TENM2: variants seen among roughly 807,000 people sequenced by gnomAD.
TENM2 encodes the protein teneurin transmembrane protein 2, also known as teneurin-2.
Under a neutral mutation model 245.2 loss-of-function variants are expected in TENM2, and 52 were observed. That is an observed-to-expected ratio of 0.21 (90% CI 0.17 to 0.27). The LOEUF (loss-of-function observed/expected upper bound fraction) is 0.27. Ranked by LOEUF, TENM2 falls within the 10% of genes least tolerant of loss-of-function variation. TENM2 has a pLI of 1.00. For synonymous variants in TENM2, 1,363 were observed against 1,438.9 expected (o/e 0.95, Z 1.19); for missense variants, 3,046 against 3,666.8 (o/e 0.83, Z 4.37).
chr5:167,136,448 A>G, the TENM2 span, among the ~76,000 whole-genome samples: 1 of 152,204 alleles, frequency 6.6e-6, no homozygotes, highest in Non-Finnish European at 1.5e-5. Flanking sequence ...AGTGGAAGAA[A>G]TAACAGGGGA....
Position 168,051,252 on chromosome 5 carries a change from C to T in TENM2, c.1309+3703C>T, listed in dbSNP as rs530634330. Among the ~76,000 whole-genome samples the T allele has an allele frequency of 1.2e-3, 189 of 152,240 alleles. 1 individual carries two copies. Among genetic ancestry groups the T allele is most frequent in the Non-Finnish European group, 8.8e-5 (6 of 68,014 alleles). On this transcript the variant is annotated intron_variant, in intron 6 of 28. Coordinates refer to ENST00000518659, the Ensembl canonical transcript of TENM2. ...ATCACTCATTTTAGATTCAAGTTGT[C>T]CTCTATATCAGGGGTCAGCAAACTA...
At chr5:167,896,782 T>C (rs1171799565) in intron 3 of TENM2, among the ~76,000 whole-genome samples, 1 of 152,156 alleles carries the variant, frequency 6.6e-6, no homozygotes, top group African/African-American at 2.4e-5. Flanking sequence ...TATGGATATT[T>C]TTACAGATGG....
At chr5:167,743,251 C>T (rs17069080) in intron 2 of TENM2, among the ~76,000 whole-genome samples, 4,771 of 152,142 alleles carry the variant, frequency 0.031, 240 homozygotes, top group East Asian at 0.18. Context: ...AATGTCTCCC[C>T]GCATGAAACC....
At chr5:168,144,844 G>C (rs1177267841) in intron 12 of TENM2, among the ~76,000 whole-genome samples, 4 of 151,132 alleles carry the variant, frequency 2.6e-5, no homozygotes, top group African/African-American at 9.7e-5. Flanking sequence ...AGCACCTGTT[G>C]TTTCCTGACT....
chr5:167,819,530 C>A (rs1767334265), intron 2 of TENM2, among the ~76,000 whole-genome samples: 1 of 152,164 alleles, frequency 6.6e-6, no homozygotes, highest in South Asian at 2.1e-4. Context: ...GTGCCTGGGG[C>A]TTTCACAAAG....
chr5:167,435,827 T>C (rs754337346), intron 2 of TENM2, among the ~76,000 whole-genome samples: 1 of 152,154 alleles, frequency 6.6e-6, no homozygotes, highest in Non-Finnish European at 1.5e-5. Context: ...GAGGAACTTG[T>C]TGGGAAGTGG....
At chr5:167,331,637 A>G (rs1269005877) in intron 1 of TENM2, among the ~76,000 whole-genome samples, 10 of 152,232 alleles carry the variant, frequency 6.6e-5, no homozygotes, top group African/African-American at 2.2e-4. Flanking sequence ...TTTGCAAGAT[A>G]TATTTTGAAA....
intron 9 of TENM2, among the ~76,000 whole-genome samples, chr5:168,108,740 A>G (rs1490615213): frequency 6.6e-6 from 1 of 151,912 alleles, no homozygotes; most frequent in Non-Finnish European, 1.5e-5. Flanking sequence ...CAGTGTGACC[A>G]CTCCTGAAGT....
intron 4 of TENM2, among the ~76,000 whole-genome samples, chr5:167,956,175 G>A (rs529214674): frequency 6.6e-6 from 1 of 152,234 alleles, no homozygotes; most frequent in East Asian, 1.9e-4. Flanking sequence ...TCCTTGAAGA[G>A]GTCCTTCACA....
At chr5:168,029,933 G>A (rs139467144) in intron 5 of TENM2, among the ~76,000 whole-genome samples, 34 of 152,254 alleles carry the variant, frequency 2.2e-4, no homozygotes, top group African/African-American at 7.5e-4. Context: ...GGAAAGCAGA[G>A]TTCTGACAGA....
intron 1 of TENM2, among the ~76,000 whole-genome samples, chr5:167,322,341 C>T (rs1266809183): frequency 6.6e-6 from 1 of 151,918 alleles, no homozygotes; most frequent in Non-Finnish European, 1.5e-5. Flanking sequence ...TGTATTCTGG[C>T]CCTGTTAGCC....
At chr5:167,196,096 C>T in the TENM2 span, among the ~76,000 whole-genome samples, 1 of 152,038 alleles carries the variant, frequency 6.6e-6, no homozygotes, top group East Asian at 1.9e-4. Flanking sequence ...ATGGTGCAGC[C>T]CACTACACAC....
At chr5:167,127,370 G>A in the TENM2 span, among the ~76,000 whole-genome samples, 1,797 of 152,130 alleles carry the variant, frequency 0.012, 16 homozygotes, top group Middle Eastern at 0.044. Flanking sequence ...TCTTTAATAT[G>A]CAGGTTATTA....
chr5:167,264,215 G>A, the TENM2 span, among the ~76,000 whole-genome samples: 1 of 151,902 alleles, frequency 6.6e-6, no homozygotes, highest in African/African-American at 2.4e-5. Context: ...TTAAGACACG[G>A]TTTTTCTATT....
intron 25 of TENM2, among the ~76,000 whole-genome samples, chr5:168,232,623 G>C (rs1010691057): frequency 2.6e-5 from 4 of 152,282 alleles, no homozygotes; most frequent in African/African-American, 9.6e-5. Context: ...GGTCAGCTGA[G>C]GGGTGTGAGG....
At chr5:167,230,994 T>G in the TENM2 span, among the ~76,000 whole-genome samples, 1 of 152,170 alleles carries the variant, frequency 6.6e-6, no homozygotes, top group Non-Finnish European at 1.5e-5. Context: ...TCTGATGGTT[T>G]TATTACTGTG....
chr5:168,225,450 G>A (rs551462158), intron 23 of TENM2, among the ~76,000 whole-genome samples: 1 of 152,302 alleles, frequency 6.6e-6, no homozygotes, highest in African/African-American at 2.4e-5. Flanking sequence ...TGATGGCTTT[G>A]TAGAAGACCT....
intron 10 of TENM2, among the ~76,000 whole-genome samples, chr5:168,122,469 C>T (rs1229493625): frequency 6.6e-6 from 1 of 152,196 alleles, no homozygotes; most frequent in Non-Finnish European, 1.5e-5. Flanking sequence ...AGTCACCACG[C>T]CTGGCCCGCC....
intron 4 of TENM2, among the ~76,000 whole-genome samples, chr5:167,979,905 A>C (rs930968208): frequency 6.6e-6 from 1 of 152,202 alleles, no homozygotes; most frequent in African/African-American, 2.4e-5. Flanking sequence ...TGAAAAGGAC[A>C]CTACCGGGAA....
Sources: allele counts gnomAD v4.1 joint callset (sites outside exome capture counted in the v4.1 genomes callset), GRCh38; gene constraint gnomAD v4.1.1; transcripts MANE v1.5; gene names NCBI Gene and HGNC (gene_info 2026-07-23, HGNC 2026-07-21).